ARPC1B: variants seen among roughly 807,000 people sequenced by gnomAD.
The protein encoded by ARPC1B is actin-related protein 2/3 complex subunit 1B.
ARPC1B carries 29 observed loss-of-function variants against 46.0 expected under a neutral mutation model. The ratio of observed to expected loss-of-function variants is 0.63; its 90% confidence interval spans 0.47 to 0.86. The LOEUF (loss-of-function observed/expected upper bound fraction) is 0.86, where lower values mean the gene tolerates loss of function less well. Ranked by LOEUF, ARPC1B falls within the 40% of genes least tolerant of loss-of-function variation. ARPC1B has a pLI of 0.00. For missense variants in ARPC1B, 469 were observed against 529.4 expected (o/e 0.89, Z 1.12); for synonymous variants, 201 against 213.9 (o/e 0.94, Z 0.53).
chr7:99,392,017 A>G (rs1158658761), intron 7 of ARPC1B: 1 of 151,888 alleles, frequency 6.6e-6, no homozygotes, highest in African/African-American at 2.4e-5. Context: ...AGCCACCGAG[A>G]CTCCATCTCA....
rs541407134 is a variant in ARPC1B, at chr7:99,393,041, G to C, written c.989+165G>C. On this transcript the variant is annotated intron_variant, in intron 8 of 9. Transcript: ENST00000646101. ...GGCGTGCCCTCAACTCGCTGCGCCG[G>C]AACGGCGTCTGATGAGCGGCGGGCC... Among the ~76,000 whole-genome samples the C allele has an allele frequency of 2.6e-5, 4 of 152,270 alleles. No individual in the cohort carries two copies. In the East Asian group the frequency reaches 7.8e-4, roughly 30 times the overall value.
intron 9 of ARPC1B, 50 bp from the exon 10 acceptor site, chr7:99,394,401 G>A (rs373946638): frequency 2.7e-6 from 4 of 1,493,464 alleles, no homozygotes; most frequent in Non-Finnish European, 3.7e-6. Context: ...TGGGAGTGGG[G>A]TGCCTGCAGG....
At position 99,394,533 on chromosome 7, in the gene ARPC1B, G is replaced by T; in HGVS notation, c.*44G>T. ...CCTTCATCCTAGCTGCTGGGGAAGCGGGGAGAGGGGTCAGGGAGGCTAATG... is the reference window on the plus strand; with the variant it reads ...CCTTCATCCTAGCTGCTGGGGAAGCTGGGAGAGGGGTCAGGGAGGCTAATG... On this transcript the variant is annotated 3_prime_UTR_variant, in exon 10 of 10. Transcript: ENST00000646101. The T allele has an allele frequency of 6.2e-7, 1 of 1,613,778 alleles. No homozygotes were observed. Among genetic ancestry groups the T allele is most frequent in the African/African-American group, 1.3e-5 (1 of 74,988 alleles).
chr7:99,382,942 T>G (rs1211512854), intron 1 of ARPC1B, among the ~76,000 whole-genome samples: 1 of 150,662 alleles, frequency 6.6e-6, no homozygotes, highest in Non-Finnish European at 1.5e-5. Context: ...CCTCTCAGGT[T>G]CAACAGATTC....
At chr7:99,390,058 C>G (rs754781070) in intron 5 of ARPC1B, 46 bp downstream of exon 5, 1 of 1,533,238 alleles carries the variant, frequency 6.5e-7, no homozygotes. Context: ...CGTCAACTGA[C>G]TGCTGACATC....
chr7:99,392,495 A>AGCCCCCAGCATC (rs1794598191), intron 7 of ARPC1B, among the ~76,000 whole-genome samples, 176 bp from the exon 8 acceptor site: 1 of 152,144 alleles, frequency 6.6e-6, no homozygotes, highest in Non-Finnish European at 1.5e-5. Flanking sequence ...GGGAGGTGGC[A>AGCCCCCAGCATC]GCCCCCAGCA....
intron 1 of ARPC1B, 133 bp from the exon 2 acceptor site, chr7:99,385,569 C>T (rs1185610720): frequency 2.7e-6 from 2 of 736,016 alleles, no homozygotes; most frequent in Admixed American, 2.5e-5. Context: ...CTCCTCTCTG[C>T]AAACTGCTGC....
Position 99,394,785 on chromosome 7 carries a change from A to T in ARPC1B, c.*296A>T. On this transcript the variant is annotated 3_prime_UTR_variant, in exon 10 of 10. Coordinates refer to ENST00000646101, the MANE Select transcript of ARPC1B (RefSeq NM_005720.4). ...GTAATAAAATGCAACTGTGTAAAAAAAAAAAAAAAAAAAAAAGTAATTATG... is the reference window on the plus strand; with the variant it reads ...GTAATAAAATGCAACTGTGTAAAAATAAAAAAAAAAAAAAAAGTAATTATG... The T allele has an allele frequency of 1.6e-6, 2 of 1,221,340 alleles. No homozygotes were observed. The highest frequency in any genetic ancestry group is 2.0e-6 in the Non-Finnish European group (2 of 979,876). The allele number at this position is 1,221,340 out of a possible 1,614,324, so 75.7% of individuals were successfully genotyped here. A position where few individuals can be genotyped will look rare whatever the true frequency, so the allele number is the denominator to read the frequency against.
chr7:99,391,376 C>T (rs1254129235), intron 7 of ARPC1B, 123 bp downstream of exon 7: 28 of 1,053,950 alleles, frequency 2.7e-5, no homozygotes, highest in Non-Finnish European at 3.7e-5. Context: ...TGCATTCTCT[C>T]ATGTACCAGA....
In ARPC1B at chr7:99,392,800, C is replaced by T. The variant is rs913340122; in HGVS notation, c.913C>T (p.Leu305=). ...GLTARERFQN[L]DKKASSEGGT... is the part of the protein sequence containing the mutation. ...GACGGCCCGCGAGCGCTTCCAGAAC[C>T]TGGACAAGAAGGCGAGCTCCGAGGG... Residue 305 remains leucine, a synonymous_variant, in exon 8 of 10, where the codon CTG becomes TTG. Coordinates refer to ENST00000646101, the MANE Select transcript of ARPC1B (RefSeq NM_005720.4). 2 of 1,550,168 alleles carry T rather than the reference C, an allele frequency of 1.3e-6. No homozygotes were observed. Among genetic ancestry groups the T allele is most frequent in the African/African-American group, 2.7e-5 (2 of 73,186 alleles).
At position 99,394,779 on chromosome 7, in the gene ARPC1B, TAAAAAAAAAAAAA is replaced by T. The variant is rs773085531; in HGVS notation, c.*300_*312del. 12 of 958,258 alleles carry T rather than the reference TAAAAAAAAAAAAA, an allele frequency of 1.3e-5. No individual in the cohort carries two copies. The highest frequency in any genetic ancestry group is 1.5e-5 in the Non-Finnish European group (12 of 809,332). The allele number at this position is 958,258 out of a possible 1,614,324, so 59.4% of individuals were successfully genotyped here. A position where few individuals can be genotyped will look rare whatever the true frequency, so the allele number is the denominator to read the frequency against. On this transcript the variant is annotated 3_prime_UTR_variant, in exon 10 of 10. Transcript: ENST00000646101. Reference sequence around the variant, plus strand: ...GTGGAGGTAATAAAATGCAACTGTGTAAAAAAAAAAAAAAAAAAAAAAGTAATTATGGACATGC... The same window carrying T: ...GTGGAGGTAATAAAATGCAACTGTGTAAAAAAAAAGTAATTATGGACATGC...
intron 1 of ARPC1B, among the ~76,000 whole-genome samples, chr7:99,380,153 C>A (rs955366846): frequency 6.6e-6 from 1 of 152,152 alleles, no homozygotes; most frequent in African/African-American, 2.4e-5. Context: ...GGTGAGCACA[C>A]GCTGGCTCAC....
chr7:99,394,199 C>G, intron 9 of ARPC1B, 80 bp downstream of exon 9: 2 of 1,445,068 alleles, frequency 1.4e-6, no homozygotes. Flanking sequence ...TGGAGATGAC[C>G]CCCATCCTTC....
rs746175136 is a variant in ARPC1B at position 99,389,902 on chromosome 7, C to T, written c.393-3C>T. ...TCCCTGTCTGCCTGACCACCGTTCC[C>T]AGGTGGGTTTGCAAGCACATCAAGA... On this transcript the variant is annotated splice_region_variant and splice_polypyrimidine_tract_variant and intron_variant, in intron 4 of 9. Coordinates refer to ENST00000646101, the MANE Select transcript of ARPC1B (RefSeq NM_005720.4). 1.9e-6 allele frequency: 3 copies of T among 1,613,336 alleles called. No individual in the cohort carries two copies. Among genetic ancestry groups the T allele is most frequent in the Non-Finnish European group, 2.5e-6 (3 of 1,179,416 alleles).
intron 5 of ARPC1B, 81 bp downstream of exon 5, chr7:99,390,093 CT>C (rs1294863644): frequency 7.9e-7 from 1 of 1,265,130 alleles, no homozygotes; most frequent in Non-Finnish European, 1.1e-6. Context: ...CACCTGAAAG[CT>C]CTACACCCCA....
intron 2 of ARPC1B, chr7:99,386,300 G>C: frequency 2.6e-6 from 1 of 377,366 alleles, no homozygotes; most frequent in South Asian, 2.1e-5. Context: ...CCAAGAAAAA[G>C]CCTTTCGGAG....
In ARPC1B at chr7:99,391,011, G is replaced by T; in HGVS notation, c.619G>T (p.Gly207Cys). 3 of 1,613,966 alleles carry T rather than the reference G, an allele frequency of 1.9e-6. No individual in the cohort carries two copies. Among genetic ancestry groups the T allele is most frequent in the Non-Finnish European group, 2.5e-6 (3 of 1,180,018 alleles). Residue 207 changes from glycine to cysteine, a missense_variant, in exon 6 of 10, where the codon GGC (glycine) becomes TGC (cysteine). Transcript: ENST00000646101. ...ESSSSCGWVH[G>C]VCFSASGSRV... ...CAGCAGTAGCTGCGGCTGGGTACAT[G>T]GCGTCTGTTTCTCAGCCAGCGGGAG...
intron 1 of ARPC1B, among the ~76,000 whole-genome samples, chr7:99,381,548 G>C (rs1014791361): frequency 6.6e-6 from 1 of 152,140 alleles, no homozygotes; most frequent in Non-Finnish European, 1.5e-5. Context: ...GGGACCCACC[G>C]GGGTCCTGTT....
At chr7:99,385,466 G>A (rs1794359131) in intron 1 of ARPC1B, among the ~76,000 whole-genome samples, 1 of 152,164 alleles carries the variant, frequency 6.6e-6, no homozygotes, top group African/African-American at 2.4e-5. Flanking sequence ...GAGACATCCT[G>A]TGAAAGCTGC....
Sources: allele counts gnomAD v4.1 joint callset (sites outside exome capture counted in the v4.1 genomes callset), GRCh38; gene constraint gnomAD v4.1.1; transcripts MANE v1.5; gene names NCBI Gene and HGNC (gene_info 2026-07-23, HGNC 2026-07-21).